The following XYLT1 variants were observed in gnomAD, a reference collection of about 807,000 sequenced individuals.
XYLT1 encodes the protein xylosyltransferase 1, also known as beta-D-xylosyltransferase 1.
In XYLT1, 36 loss-of-function variants were observed where a neutral mutation model predicts 91.3. The observed-to-expected ratio is 0.39, with a 90% CI of 0.30 to 0.52. XYLT1 has a LOEUF of 0.52. Among genes scored for constraint, XYLT1 ranks in the 20% least tolerant of loss-of-function variants. The probability of loss-of-function intolerance (pLI) is 0.68; values close to 1 mark genes in which losing one functional copy is unlikely to be tolerated. For synonymous variants in XYLT1, 588 were observed against 532.0 expected (o/e 1.11, Z -1.45); for missense variants, 1,242 against 1,284.5 (o/e 0.97, Z 0.51).
intron 3 of XYLT1, among the ~76,000 whole-genome samples, chr16:17,225,328 G>C (rs182925951): frequency 1.6e-4 from 25 of 152,166 alleles, no homozygotes; most frequent in South Asian, 8.3e-4. Context: ...TCCATAATTT[G>C]CAGGGCTCAC....
rs1438453537 is a variant in XYLT1 at position 17,470,480 on chromosome 16, C to G, written c.317G>C (p.Arg106Pro). 8 of 1,232,640 alleles carry G rather than the reference C, an allele frequency of 6.5e-6. No homozygotes were observed. The highest frequency in any genetic ancestry group is 7.1e-6 in the Non-Finnish European group (7 of 988,906). 76.4% of individuals were successfully genotyped at this position (1,232,640 alleles called of 1,614,324 possible). A position where few individuals can be genotyped will look rare whatever the true frequency, so the allele number is the denominator to read the frequency against. ...CCCCCGGCTGGCCGGCTGCTGTCCC[C>G]GCGGTTCTCCGGGGCCGCCTCCCCG... ...RARGGGPGEP[R>P]GQQPASRGAL... Residue 106 changes from arginine (R) to proline (P), a missense_variant, in exon 1 of 12, where the codon CGG (arginine) becomes CCG (proline). By Grantham distance (103) the Arg-to-Pro change is moderately radical. Around this residue, in one of 3 missense-constraint regions of XYLT1, gnomAD observed 437 missense variants for 411.5 expected, o/e 1.06. Transcript: ENST00000261381.
intron 3 of XYLT1, among the ~76,000 whole-genome samples, chr16:17,202,971 C>T (rs2032571404): frequency 6.6e-6 from 1 of 152,042 alleles, no homozygotes; most frequent in African/African-American, 2.4e-5. Flanking sequence ...TAATTTAATC[C>T]TCGTAATGAT....
intron 5 of XYLT1, among the ~76,000 whole-genome samples, chr16:17,161,677 G>GCGCTCT (rs1555484022): frequency 4.0e-5 from 6 of 148,896 alleles, no homozygotes; most frequent in Non-Finnish European, 7.4e-5. Context: ...TTTCTCGCGC[G>GCGCTCT]CTCTCTCTCT....
At chr16:17,188,085 C>T (rs1029933491) in intron 5 of XYLT1, among the ~76,000 whole-genome samples, 4 of 152,000 alleles carry the variant, frequency 2.6e-5, no homozygotes, top group East Asian at 3.9e-4. Flanking sequence ...GACTTCATGG[C>T]TGCTTGGGTT....
At chr16:17,281,986 T>C (rs1168666235) in intron 2 of XYLT1, among the ~76,000 whole-genome samples, 5 of 152,162 alleles carry the variant, frequency 3.3e-5, no homozygotes, top group Admixed American at 6.5e-5. Flanking sequence ...GATGAAGAGA[T>C]CCAGGGTGAG....
intron 3 of XYLT1, 34 bp from the exon 4 acceptor site, chr16:17,200,688 G>A: frequency 6.3e-7 from 1 of 1,599,036 alleles, no homozygotes; most frequent in Non-Finnish European, 8.6e-7. Context: ...AGAGGAGAAA[G>A]TGAGGCTCTG....
intron 2 of XYLT1, among the ~76,000 whole-genome samples, chr16:17,313,905 C>T (rs2034588450): frequency 6.6e-6 from 1 of 152,098 alleles, no homozygotes; most frequent in Admixed American, 6.5e-5. Context: ...AATTAAGGGG[C>T]TTTTATTTCT....
intron 2 of XYLT1, among the ~76,000 whole-genome samples, chr16:17,298,359 GATCTC>G (rs575084902): frequency 1.3e-3 from 192 of 152,262 alleles, no homozygotes; most frequent in African/African-American, 4.5e-3. Context: ...GAGCCCAGGA[GATCTC>G]ATCTCATCTT....
At chr16:17,280,871 T>C (rs539985121) in intron 2 of XYLT1, among the ~76,000 whole-genome samples, 1 of 152,260 alleles carries the variant, frequency 6.6e-6, no homozygotes, top group African/African-American at 2.4e-5. Flanking sequence ...TCTTCTTCCC[T>C]CAGGTAACAT....
At chr16:17,218,348 T>C (rs538096921) in intron 3 of XYLT1, among the ~76,000 whole-genome samples, 2 of 145,688 alleles carry the variant, frequency 1.4e-5, no homozygotes, top group Admixed American at 1.4e-4. Context: ...GAGAGGGGAG[T>C]AGTGCGGACT....
chr16:17,456,867 G>A (rs1485573150), intron 1 of XYLT1, among the ~76,000 whole-genome samples: 1 of 152,144 alleles, frequency 6.6e-6, no homozygotes, highest in East Asian at 1.9e-4. Flanking sequence ...TCATAAGGCT[G>A]ATATAATGAT....
At chr16:17,147,382 G>A (rs568510591) in intron 6 of XYLT1, among the ~76,000 whole-genome samples, 33 of 152,116 alleles carry the variant, frequency 2.2e-4, no homozygotes, top group Non-Finnish European at 3.8e-4. Flanking sequence ...CAGGTGAGAG[G>A]ACTAGCAAAA....
chr16:17,330,316 A>G (rs2034875086), intron 2 of XYLT1, among the ~76,000 whole-genome samples: 1 of 152,172 alleles, frequency 6.6e-6, no homozygotes, highest in African/African-American at 2.4e-5. Flanking sequence ...ACATCCACTC[A>G]ACCCCCAGAA....
chr16:17,151,133 C>T (rs1366598283), intron 6 of XYLT1, among the ~76,000 whole-genome samples: 2 of 152,148 alleles, frequency 1.3e-5, no homozygotes, highest in Admixed American at 1.3e-4. Context: ...TGGTTAAGCA[C>T]CCTGACTTCA....
In XYLT1 at chr16:17,151,861, T is replaced by C. The variant is rs2031292089; in HGVS notation, c.1370+6968A>G. On this transcript the variant is annotated intron_variant, in intron 6 of 11. Transcript: ENST00000261381. The stretch of plus-strand genomic sequence containing the variant: ...GGAATCTACCTGCCTGGCTTTCTTA[T>C]ATTTCCCAAGGAGGGCAGAAAAAGA... Among the ~76,000 whole-genome samples the C allele has an allele frequency of 4.6e-5, 7 of 152,302 alleles. No homozygotes were observed. The South Asian group carries it at 1.4e-3, about 32-fold the overall frequency.
chr16:17,209,802 G>A (rs765607175), intron 3 of XYLT1, among the ~76,000 whole-genome samples: 31 of 152,220 alleles, frequency 2.0e-4, no homozygotes, highest in Non-Finnish European at 7.3e-5. Flanking sequence ...CGCGGACCTC[G>A]CCCATCACAC....
chr16:17,237,503 A>G (rs1216110508), intron 3 of XYLT1, among the ~76,000 whole-genome samples: 1 of 152,020 alleles, frequency 6.6e-6, no homozygotes, highest in East Asian at 1.9e-4. Context: ...GTTTTTCAGA[A>G]CCTTTCTCAT....
intron 3 of XYLT1, among the ~76,000 whole-genome samples, chr16:17,244,033 C>T (rs546299044): frequency 5.1e-4 from 77 of 152,218 alleles, no homozygotes; most frequent in African/African-American, 1.6e-3. Context: ...CCAGTAGTAC[C>T]CCCTTTCCCA....
At chr16:17,461,198 C>T (rs1411633479) in intron 1 of XYLT1, among the ~76,000 whole-genome samples, 1 of 152,188 alleles carries the variant, frequency 6.6e-6, no homozygotes, top group African/African-American at 2.4e-5. Flanking sequence ...CAGCCCAGGC[C>T]TCATGGACAG....
Sources: gnomAD v4.1 joint callset for allele counts (sites outside exome capture counted in the v4.1 genomes callset) on GRCh38, gnomAD v4.1.1 for gene constraint, gnomAD v4.1.1 regional missense constraint, MANE v1.5 for transcripts, NCBI Gene and HGNC (gene_info 2026-07-23, HGNC 2026-07-21) for gene names.